SMIM23: variants seen among roughly 807,000 people sequenced by gnomAD.
SMIM23 encodes small integral membrane protein 23.
Under a neutral mutation model 12.8 loss-of-function variants are expected in SMIM23, and 10 were observed. The observed-to-expected ratio is 0.78, with a 90% CI of 0.48 to 1.32. SMIM23 has a LOEUF of 1.32. SMIM23 is among the 40% of genes most tolerant of loss of function. SMIM23 has a pLI of 0.00. For missense variants in SMIM23, 184 were observed against 198.2 expected, an observed-to-expected ratio of 0.93 and a Z score of 0.43; for synonymous variants, 78 against 80.1, an observed-to-expected ratio of 0.97 and a Z score of 0.14.
In SMIM23 at chr5:171,786,019, C is replaced by T. The variant is rs1245565358; in HGVS notation, c.105+43C>T. 5.9e-5 allele frequency: 85 copies of T among 1,452,910 alleles called. No individual in the cohort carries two copies. In the East Asian group the frequency reaches 1.7e-3, roughly 29 times the overall value. 90.0% of individuals were successfully genotyped at this position (1,452,910 alleles called of 1,614,324 possible). Reference sequence around the variant, plus strand: ...ACATGCTGCTTTCCTCCCATCTGGGCTCCTTTTGCCACTCCAGACAGACTA... The same window carrying T: ...ACATGCTGCTTTCCTCCCATCTGGGTTCCTTTTGCCACTCCAGACAGACTA... On this transcript the variant is annotated intron_variant, in intron 1 of 3. Coordinates refer to ENST00000523047, the MANE Select transcript of SMIM23 (RefSeq NM_001289970.2).
the SMIM23 span, among the ~76,000 whole-genome samples, chr5:171,774,898 G>T: frequency 6.6e-6 from 1 of 152,080 alleles, no homozygotes; most frequent in African/African-American, 2.4e-5. Flanking sequence ...TGACCCACAG[G>T]TCTCCCAAGT....
chr5:171,772,751 T>C, the SMIM23 span, among the ~76,000 whole-genome samples: 2 of 151,446 alleles, frequency 1.3e-5, no homozygotes, highest in African/African-American at 4.9e-5. Flanking sequence ...CAGCAAGGTA[T>C]GTGCCTTTCC....
At chr5:171,780,324 G>A (rs697040), upstream of SMIM23, among the ~76,000 whole-genome samples, 1,810 of 152,026 alleles carry the variant, frequency 0.012, 42 homozygotes, top group African/African-American at 0.041. Context: ...CCTTTACTAG[G>A]AAGTGTGAAG....
At chr5:171,773,280 T>C in the SMIM23 span, among the ~76,000 whole-genome samples, 1 of 151,892 alleles carries the variant, frequency 6.6e-6, no homozygotes, top group Admixed American at 6.5e-5. Context: ...GATACTCCCA[T>C]GATTCCTTCC....
the SMIM23 span, among the ~76,000 whole-genome samples, chr5:171,776,371 C>T: frequency 6.6e-6 from 1 of 152,186 alleles, no homozygotes; most frequent in African/African-American, 2.4e-5. Context: ...CACCCCTTCA[C>T]TTTCACGTAC....
upstream of SMIM23, chr5:171,785,809 G>A: frequency 1.5e-6 from 2 of 1,324,362 alleles, no homozygotes; most frequent in African/African-American, 1.4e-5. Context: ...CACAGGTGGG[G>A]GAGGGGAAGG....
At chr5:171,784,013 G>A (rs1755768497), upstream of SMIM23, among the ~76,000 whole-genome samples, 1 of 152,084 alleles carries the variant, frequency 6.6e-6, no homozygotes, top group Non-Finnish European at 1.5e-5. Context: ...AGCCCGAGGT[G>A]GGAGGATTGC....
chr5:171,780,332 A>T (rs768758523), upstream of SMIM23, among the ~76,000 whole-genome samples: 44 of 152,134 alleles, frequency 2.9e-4, no homozygotes, highest in Non-Finnish European at 4.7e-4. Flanking sequence ...AGGAAGTGTG[A>T]AGCACCCAGT....
chr5:171,773,224 G>A, the SMIM23 span, among the ~76,000 whole-genome samples: 3 of 152,162 alleles, frequency 2.0e-5, no homozygotes, highest in Admixed American at 6.5e-5. Flanking sequence ...TGTAGAATGC[G>A]GACATTGACC....
chr5:171,790,319 C>A (rs1206656404), intron 2 of SMIM23, 38 bp downstream of exon 2: 5 of 1,533,468 alleles, frequency 3.3e-6, no homozygotes, highest in Non-Finnish European at 4.4e-6. Flanking sequence ...GGAACCAAAT[C>A]CACATGAAGC....
At position 171,790,999 on chromosome 5, in the gene SMIM23, C is replaced by A; in HGVS notation, c.430C>A (p.His144Asn). 2 of 1,535,704 alleles carry A rather than the reference C, an allele frequency of 1.3e-6. No homozygotes were observed. Among genetic ancestry groups the A allele is most frequent in the Non-Finnish European group, 1.7e-6 (2 of 1,146,908 alleles). ...QEEHCSTYKS[H>N]LWEWAWALGR... ...GGAGCACTGCTCCACATATAAAAGT[C>A]ACTTGTGGGAGTGGGCCTGGGCCCT... is the stretch of plus-strand genomic sequence containing the variant. The change falls in exon 4 of 4, where the codon CAC becomes AAC. Residue 144 changes from histidine (H) to asparagine (N), a missense_variant. By Grantham distance (68) the His-to-Asn change is moderately conservative. Coordinates refer to ENST00000523047, the MANE Select transcript of SMIM23 (RefSeq NM_001289970.2).
At chr5:171,781,138 T>C (rs1467351366), upstream of SMIM23, among the ~76,000 whole-genome samples, 1 of 152,192 alleles carries the variant, frequency 6.6e-6, no homozygotes, top group Non-Finnish European at 1.5e-5. Context: ...AGAAACTAAT[T>C]AGTCAGATAG....
chr5:171,785,209 C>T (rs533230229), upstream of SMIM23, among the ~76,000 whole-genome samples: 2 of 152,030 alleles, frequency 1.3e-5, no homozygotes, highest in African/African-American at 4.8e-5. Flanking sequence ...GGGAAGTCTG[C>T]GTAAGATTGG....
At chr5:171,773,634 G>C in the SMIM23 span, 1 of 360,764 alleles carries the variant, frequency 2.8e-6, no homozygotes, top group African/African-American at 2.2e-5. Flanking sequence ...CAACCAAATA[G>C]AGGGTAAGAC....
the SMIM23 span, chr5:171,774,375 G>C: frequency 2.2e-6 from 1 of 455,644 alleles, no homozygotes; most frequent in Non-Finnish European, 4.4e-6. Context: ...AGACAGGAAG[G>C]AGCCCACGCA....
At chr5:171,785,793 G>C (rs976533832), upstream of SMIM23, 18 of 1,153,672 alleles carry the variant, frequency 1.6e-5, no homozygotes, top group Non-Finnish European at 2.1e-5. Context: ...CAGGATGCCT[G>C]GTGACCACAG....
upstream of SMIM23, chr5:171,782,903 T>C (rs1755752906): frequency 6.6e-6 from 1 of 152,194 alleles, no homozygotes; most frequent in African/African-American, 2.4e-5. Context: ...GTGAAATGCC[T>C]AGTGTATAGC....
chr5:171,787,405 G>A (rs254887), intron 1 of SMIM23, among the ~76,000 whole-genome samples: 3,313 of 152,230 alleles, frequency 0.022, 118 homozygotes, highest in African/African-American at 0.075. Context: ...GCCCCAAGAC[G>A]ACACAAGGAA....
At chr5:171,789,211 A>G (rs905897820) in intron 1 of SMIM23, among the ~76,000 whole-genome samples, 2 of 152,262 alleles carry the variant, frequency 1.3e-5, no homozygotes, top group Non-Finnish European at 2.9e-5. Flanking sequence ...ATCAAATCAC[A>G]TGATATATAA....
Sources: gnomAD v4.1 joint callset for allele counts (sites outside exome capture counted in the v4.1 genomes callset) on GRCh38, gnomAD v4.1.1 for gene constraint, MANE v1.5 for transcripts, NCBI Gene and HGNC (gene_info 2026-07-23, HGNC 2026-07-21) for gene names.